Variants in KDM2A observed in about 807,000 individuals in gnomAD.
The protein encoded by KDM2A is lysine demethylase 2A.
In KDM2A, 3 loss-of-function variants were observed where a neutral mutation model predicts 137.3. The observed-to-expected ratio is 0.02, with a 90% CI of 0.01 to 0.06. The LOEUF (loss-of-function observed/expected upper bound fraction) is 0.06, where lower values mean the gene tolerates loss of function less well. Among genes scored for constraint, KDM2A ranks in the 10% least tolerant of loss-of-function variants. The pLI, the probability that KDM2A is intolerant of heterozygous loss-of-function variation, is 1.00. For missense variants in KDM2A, 738 were observed against 1,510.6 expected, an observed-to-expected ratio of 0.49 and a Z score of 8.48; for synonymous variants, 512 against 541.5, an observed-to-expected ratio of 0.95 and a Z score of 0.76.
intron 2 of KDM2A, among the ~76,000 whole-genome samples, chr11:67,122,169 G>T (rs917980196): frequency 1.3e-5 from 2 of 152,188 alleles, no homozygotes; most frequent in African/African-American, 4.8e-5. Flanking sequence ...TATGTAGTAT[G>T]TGAAATTTGC....
At chr11:67,227,939 G>A in intron 10 of KDM2A, 98 bp from the exon 11 acceptor site, 1 of 1,269,382 alleles carries the variant, frequency 7.9e-7, no homozygotes, top group South Asian at 1.3e-5. Context: ...AGGTTGACTG[G>A]TGAGAGTATT....
Position 67,245,566 on chromosome 11 carries a change from T to C in KDM2A, c.1833+108T>C. On this transcript the variant is annotated intron_variant, in intron 14 of 20. Transcript: ENST00000529006. This position sits in a 1 kb window ranked among gnomAD's most constrained non-coding sequence, Gnocchi z 4.1. ...AGACTTCAGAGTTGGAAAGAAAAGG[T>C]TTATACTCTCTTTTTGGCTTTATTT... 2 of 1,234,120 alleles carry C rather than the reference T, an allele frequency of 1.6e-6. No individual in the cohort carries two copies. The highest frequency in any genetic ancestry group is 4.9e-5 in the East Asian group (2 of 40,462). The allele number at this position is 1,234,120 out of a possible 1,614,324, so 76.4% of individuals were successfully genotyped here.
At chr11:67,248,660 T>A (rs1859320745) in intron 16 of KDM2A, 1 of 342,932 alleles carries the variant, frequency 2.9e-6, no homozygotes, top group Non-Finnish European at 5.4e-6. Context: ...GCTGGGCTAT[T>A]TGAGGAGAGA....
At chr11:67,225,406 C>T (rs1404656591) in intron 10 of KDM2A, among the ~76,000 whole-genome samples, 2 of 151,856 alleles carry the variant, frequency 1.3e-5, no homozygotes, top group African/African-American at 2.4e-5. Flanking sequence ...GAGGCTGAGG[C>T]GGGCGAATCA....
At chr11:67,205,702 A>C (rs1030258063) in intron 5 of KDM2A, among the ~76,000 whole-genome samples, 2 of 151,954 alleles carry the variant, frequency 1.3e-5, no homozygotes, top group African/African-American at 4.8e-5. Context: ...GGCTGGTCTC[A>C]AACTCCTGGA....
intron 5 of KDM2A, among the ~76,000 whole-genome samples, chr11:67,203,495 T>A (rs1017933249): frequency 6.8e-6 from 1 of 147,154 alleles, no homozygotes; most frequent in Non-Finnish European, 1.5e-5. Flanking sequence ...TATTAATATA[T>A]TTTTATATAA....
intron 2 of KDM2A, among the ~76,000 whole-genome samples, chr11:67,139,351 TCTC>T (rs1235197960): frequency 1.3e-5 from 2 of 152,026 alleles, no homozygotes; most frequent in Admixed American, 6.6e-5. Context: ...TTCAAATGAT[TCTC>T]CTGCCTGAGC....
chr11:67,161,420 CAGT>C (rs1473168535), intron 2 of KDM2A, among the ~76,000 whole-genome samples: 1 of 152,134 alleles, frequency 6.6e-6, no homozygotes, highest in Non-Finnish European at 1.5e-5. Context: ...TTTGCTTAGA[CAGT>C]AGATTAGGAA....
chr11:67,254,587 G>A lies in KDM2A; in HGVS notation c.3307+169G>A. The A allele has an allele frequency of 1.5e-6, 1 of 675,994 alleles. No homozygotes were observed. The highest frequency in any genetic ancestry group is 2.5e-6 in the Non-Finnish European group (1 of 394,566). The allele number at this position is 675,994 out of a possible 1,614,324, so 41.9% of individuals were successfully genotyped here. The stretch of plus-strand genomic sequence containing the variant: ...TTCTATCCCTTTTTTAACTGATGGG[G>A]GACTGAGGCCTTGAGTAGTTAAGTC... On this transcript the variant is annotated intron_variant, in intron 20 of 20. Transcript: ENST00000529006. The surrounding 1 kb of genome is among the most constrained non-coding windows in gnomAD (Gnocchi z 4.7).
chr11:67,154,680 C>G (rs1174521554), intron 2 of KDM2A, among the ~76,000 whole-genome samples: 1 of 152,076 alleles, frequency 6.6e-6, no homozygotes, highest in Non-Finnish European at 1.5e-5. Flanking sequence ...CTCAGGTGAT[C>G]CACCTGCCTT....
intron 2 of KDM2A, among the ~76,000 whole-genome samples, chr11:67,174,676 G>A (rs906989019): frequency 2.0e-5 from 3 of 151,990 alleles, no homozygotes; most frequent in Non-Finnish European, 4.4e-5. Context: ...AGTTAATTAC[G>A]ACTAAACTGG....
At chr11:67,248,606 A>G in intron 16 of KDM2A, 1 of 463,810 alleles carries the variant, frequency 2.2e-6, no homozygotes, top group East Asian at 4.1e-5. Flanking sequence ...GCAAATTCCT[A>G]AGGTCCTTTT....
At chr11:67,215,485 G>GTCTCCCACA in intron 7 of KDM2A, 39 bp downstream of exon 7, 1 of 1,348,160 alleles carries the variant, frequency 7.4e-7, no homozygotes, top group Non-Finnish European at 1.1e-6. Context: ...GTGTGCTGTG[G>GTCTCCCACA]GAGACCAAAG....
intron 2 of KDM2A, among the ~76,000 whole-genome samples, chr11:67,158,140 T>C (rs1856561103): frequency 6.6e-6 from 1 of 151,708 alleles, no homozygotes; most frequent in Middle Eastern, 3.4e-3. Flanking sequence ...ACTACGGATC[T>C]TTTTGCTGTC....
Position 67,255,205 on chromosome 11 carries a change from G to GCT in KDM2A, c.*151_*152insTC. 1.5e-6 allele frequency: 1 copy of GCT among 685,820 alleles called. No individual in the cohort carries two copies. The highest frequency in any genetic ancestry group is 2.4e-6 in the Non-Finnish European group (1 of 410,638). 42.5% of individuals were successfully genotyped at this position (685,820 alleles called of 1,614,324 possible). A position where few individuals can be genotyped will look rare whatever the true frequency, so the allele number is the denominator to read the frequency against. On this transcript the variant is annotated 3_prime_UTR_variant, in exon 21 of 21. Transcript: ENST00000529006. ...CTTGAGCCCTTCCTCTACAGGTGGG[G>GCT]CAGAGAGGGTGGTGGACACCAGGCT...
intron 2 of KDM2A, among the ~76,000 whole-genome samples, chr11:67,127,786 C>T (rs1855763650): frequency 6.6e-6 from 1 of 152,068 alleles, no homozygotes; most frequent in Non-Finnish European, 1.5e-5. Context: ...GGGCTCACCG[C>T]AACCTCCCTC....
chr11:67,254,846 A>G lies in KDM2A; in HGVS notation c.3308-28A>G. The G allele has an allele frequency of 6.3e-7, 1 of 1,599,812 alleles. No individual in the cohort carries two copies. Reference sequence around the variant, plus strand: ...AGAGGAAAGCTGTGTGTATGTGAGCACTGTCATTATGTCCACTTTCCCGAC... The same window carrying G: ...AGAGGAAAGCTGTGTGTATGTGAGCGCTGTCATTATGTCCACTTTCCCGAC... On this transcript the variant is annotated intron_variant, in intron 20 of 20. Transcript: ENST00000529006. The surrounding 1 kb of genome is among the most constrained non-coding windows in gnomAD (Gnocchi z 4.7).
At position 67,245,440 on chromosome 11, in the gene KDM2A, C is replaced by A. The variant is rs199740896; in HGVS notation, c.1815C>A (p.Val605=). ...CTGGACGCATGAAGCAGTCCTGTGTCCTCCGACAGTGCTTGGCAGTGAGTG... is the reference window on the plus strand; with the variant it reads ...CTGGACGCATGAAGCAGTCCTGTGTACTCCGACAGTGCTTGGCAGTGAGTG... The part of the protein sequence containing the change: ...GGPGRMKQSC[V]LRQCLAPRLP... Residue 605 remains valine, a synonymous_variant, in exon 14 of 21, where the codon GTC becomes GTA. Coordinates refer to ENST00000529006, the MANE Select transcript of KDM2A (RefSeq NM_012308.3). The surrounding 1 kb of genome is among the most constrained non-coding windows in gnomAD (Gnocchi z 4.1). 6.2e-7 allele frequency: 1 copy of A among 1,613,662 alleles called. No homozygotes were observed. Among genetic ancestry groups the A allele is most frequent in the East Asian group, 2.2e-5 (1 of 44,884 alleles).
intron 2 of KDM2A, among the ~76,000 whole-genome samples, chr11:67,139,950 C>A (rs1856059026): frequency 6.6e-6 from 1 of 152,028 alleles, no homozygotes; most frequent in African/African-American, 2.4e-5. Flanking sequence ...CTGATGTGTG[C>A]ATCTTGGCCT....
Sources: allele counts gnomAD v4.1 joint callset (sites outside exome capture counted in the v4.1 genomes callset), GRCh38; gene constraint gnomAD v4.1.1; non-coding constraint Gnocchi (gnomAD v3.1); transcripts MANE v1.5; gene names NCBI Gene and HGNC (gene_info 2026-07-23, HGNC 2026-07-21).